The following CSMD1 variants were observed in gnomAD, a reference collection of about 807,000 sequenced individuals.
The protein encoded by CSMD1 is CUB and Sushi multiple domains 1.
In CSMD1, 213 loss-of-function variants were observed where a neutral mutation model predicts 417.5. The ratio of observed to expected loss-of-function variants is 0.51; its 90% confidence interval spans 0.46 to 0.57. CSMD1 has a LOEUF of 0.57. CSMD1 is among the 20% of genes least tolerant of loss of function. The probability of loss-of-function intolerance (pLI) is 0.00; values close to 1 mark genes in which losing one functional copy is unlikely to be tolerated. For missense variants in CSMD1, 6,923 were observed against 4,529.7 expected, an observed-to-expected ratio of 1.53 and a Z score of -15.17; for synonymous variants, 2,862 against 1,736.8, an observed-to-expected ratio of 1.65 and a Z score of -16.11.
At chr8:2,979,860 T>A (rs1225270084) in intron 54 of CSMD1, among the ~76,000 whole-genome samples, 1 of 152,198 alleles carries the variant, frequency 6.6e-6, no homozygotes, top group Admixed American at 6.5e-5. Context: ...TGTGTGAAGT[T>A]CGGGCAAATA....
rs1797409192 is a variant in CSMD1, at chr8:3,752,676, C to CAAAAG, written c.931+1253_931+1254insCTTTT. On this transcript the variant is annotated intron_variant, in intron 6 of 69. Transcript: ENST00000635120. ...CCACTGCCACCCACTCCCCGCCTGGCAAAAAAAAAAAAAAAAAAAAAAAAA... is the reference window on the plus strand; with the variant it reads ...CCACTGCCACCCACTCCCCGCCTGGCAAAAGAAAAAAAAAAAAAAAAAAAAAAAAA... 1.2e-4 allele frequency among the ~76,000 whole-genome samples: 12 copies of CAAAAG among 96,986 alleles called. No individual in the cohort carries two copies. The Admixed American group carries it at 1.3e-3, about 11-fold the overall frequency. 63.6% of individuals were successfully genotyped at this position (96,986 alleles called of 152,430 possible). A position where few individuals can be genotyped will look rare whatever the true frequency, so the allele number is the denominator to read the frequency against.
At chr8:4,084,932 T>C (rs371483321) in intron 3 of CSMD1, among the ~76,000 whole-genome samples, 1 of 152,086 alleles carries the variant, frequency 6.6e-6, no homozygotes, top group Non-Finnish European at 1.5e-5. Context: ...CTACAAAAAT[T>C]GGTAATTTGG....
intron 12 of CSMD1, among the ~76,000 whole-genome samples, chr8:3,410,625 C>G (rs1812632516): frequency 6.6e-6 from 1 of 152,220 alleles, no homozygotes; most frequent in Non-Finnish European, 1.5e-5. Context: ...CCATGTGGAA[C>G]TGTAAGTCCA....
intron 2 of CSMD1, among the ~76,000 whole-genome samples, chr8:4,540,873 T>C (rs1445959385): frequency 6.6e-6 from 1 of 152,148 alleles, no homozygotes; most frequent in African/African-American, 2.4e-5. Context: ...ACAGGAAGTC[T>C]GACTCTCCGC....
chr8:3,838,813 T>G lies in CSMD1; in HGVS notation c.819-84771A>C, dbSNP rs1290167824. On this transcript the variant is annotated intron_variant, in intron 5 of 69. Coordinates refer to ENST00000635120, the MANE Select transcript of CSMD1 (RefSeq NM_033225.6). ...TATATAGTATAATATATAATAATTA[T>G]ATATACTATTAATATATAATATTAA... Among the ~76,000 whole-genome samples, 18 of 103,224 alleles carry G rather than the reference T, an allele frequency of 1.7e-4. No homozygotes were observed. The East Asian group carries it at 4.3e-3, about 25-fold the overall frequency. 67.7% of individuals were successfully genotyped at this position (103,224 alleles called of 152,430 possible).
chr8:3,429,063 A>T (rs974470472), intron 12 of CSMD1, among the ~76,000 whole-genome samples: 1 of 152,108 alleles, frequency 6.6e-6, no homozygotes, highest in African/African-American at 2.4e-5. Context: ...ATGGGGAGAG[A>T]TGAGTTAACA....
chr8:3,973,616 T>C (rs1412480105), intron 5 of CSMD1, among the ~76,000 whole-genome samples: 1 of 152,206 alleles, frequency 6.6e-6, no homozygotes, highest in African/African-American at 2.4e-5. Context: ...AATTTCATCA[T>C]TGTGATGCTT....
intron 3 of CSMD1, among the ~76,000 whole-genome samples, chr8:4,137,555 T>A (rs1483722319): frequency 7.6e-6 from 1 of 131,878 alleles, no homozygotes; most frequent in East Asian, 2.0e-4. Flanking sequence ...ATGTTTTCTT[T>A]GATGGTTACA....
intron 1 of CSMD1, among the ~76,000 whole-genome samples, chr8:4,964,672 G>C (rs182570367): frequency 3.4e-4 from 51 of 152,164 alleles, no homozygotes; most frequent in African/African-American, 1.1e-3. Flanking sequence ...TCTTCTCAGA[G>C]ATTCTCCATT....
intron 3 of CSMD1, among the ~76,000 whole-genome samples, chr8:4,361,383 A>G (rs560421486): frequency 2.3e-5 from 3 of 127,730 alleles, no homozygotes; most frequent in Non-Finnish European, 4.8e-5. Context: ...ATGTAGCCTC[A>G]TGAAGGGCTA....
At chr8:4,695,166 CAT>C (rs1489133875) in intron 1 of CSMD1, among the ~76,000 whole-genome samples, 3 of 152,080 alleles carry the variant, frequency 2.0e-5, no homozygotes, top group Non-Finnish European at 4.4e-5. Context: ...ATGGAATACA[CAT>C]ACTCTTTATT....
At chr8:4,827,686 C>T (rs376978693) in intron 1 of CSMD1, among the ~76,000 whole-genome samples, 1 of 152,034 alleles carries the variant, frequency 6.6e-6, no homozygotes, top group Non-Finnish European at 1.5e-5. Flanking sequence ...TGAAAAACAT[C>T]CATTGAGTAG....
chr8:3,969,258 A>G (rs957461973), intron 5 of CSMD1, among the ~76,000 whole-genome samples: 4 of 152,130 alleles, frequency 2.6e-5, no homozygotes, highest in Admixed American at 2.6e-4. Context: ...TCGATAAATA[A>G]AGATAAAAAG....
chr8:4,448,219 T>C (rs921286572), intron 2 of CSMD1, among the ~76,000 whole-genome samples: 1 of 152,224 alleles, frequency 6.6e-6, no homozygotes, highest in African/African-American at 2.4e-5. Context: ...AAAATATTTT[T>C]CATCTTTATT....
intron 1 of CSMD1, among the ~76,000 whole-genome samples, chr8:4,850,062 C>A (rs755151333): frequency 7.9e-5 from 12 of 152,096 alleles, no homozygotes; most frequent in Admixed American, 2.0e-4. Flanking sequence ...TTTTTTTATT[C>A]TTGCCATCCT....
At chr8:4,443,566 G>A (rs535737093) in intron 2 of CSMD1, among the ~76,000 whole-genome samples, 2 of 152,234 alleles carry the variant, frequency 1.3e-5, no homozygotes, top group South Asian at 2.1e-4. Context: ...TGTGGCTCAA[G>A]ACACATGAAT....
chr8:4,458,913 A>C (rs1304579310), intron 2 of CSMD1, among the ~76,000 whole-genome samples: 1 of 152,232 alleles, frequency 6.6e-6, no homozygotes, highest in Non-Finnish European at 1.5e-5. Flanking sequence ...TGTATTAAAA[A>C]TATTTAAGTT....
chr8:4,284,640 G>T (rs532772467), intron 3 of CSMD1, among the ~76,000 whole-genome samples: 1 of 151,950 alleles, frequency 6.6e-6, no homozygotes, highest in Non-Finnish European at 1.5e-5. Flanking sequence ...GTTCTCCAAG[G>T]GTGGACTCAG....
chr8:3,336,824 C>G (rs1807294874), intron 23 of CSMD1, among the ~76,000 whole-genome samples: 1 of 152,146 alleles, frequency 6.6e-6, no homozygotes, highest in Admixed American at 6.5e-5. Context: ...CAGCTCCTGT[C>G]TAATTCATAT....
Sources: gnomAD v4.1 joint callset for allele counts (sites outside exome capture counted in the v4.1 genomes callset) on GRCh38, gnomAD v4.1.1 for gene constraint, MANE v1.5 for transcripts, NCBI Gene and HGNC (gene_info 2026-07-23, HGNC 2026-07-21) for gene names.